WWP2: variants seen among roughly 807,000 people sequenced by gnomAD.
The protein encoded by WWP2 is WW domain containing E3 ubiquitin protein ligase 2.
In WWP2, 57 loss-of-function variants were observed where a neutral mutation model predicts 121.0. That is an observed-to-expected ratio of 0.47 (90% confidence interval 0.38 to 0.59). WWP2 has a LOEUF of 0.59. Among genes scored for constraint, WWP2 ranks in the 20% least tolerant of loss-of-function variants. The pLI, the probability that WWP2 is intolerant of heterozygous loss-of-function variation, is 0.00. For missense variants in WWP2, 962 were observed against 1,158.9 expected (o/e 0.83, Z 2.47); for synonymous variants, 449 against 441.3 (o/e 1.02, Z -0.22).
chr16:69,930,484 A>G (rs1048594235), intron 13 of WWP2, among the ~76,000 whole-genome samples: 1 of 152,170 alleles, frequency 6.6e-6, no homozygotes, highest in Non-Finnish European at 1.5e-5. Context: ...TCTCCACAAC[A>G]ATAAAAAAGA....
At chr16:69,830,276 A>C (rs750535247) in intron 4 of WWP2, among the ~76,000 whole-genome samples, 2 of 152,050 alleles carry the variant, frequency 1.3e-5, no homozygotes, top group Non-Finnish European at 2.9e-5. Context: ...TGTTTTATAG[A>C]GATGAGGGTC....
chr16:69,769,564 G>A (rs1270577642), intron 1 of WWP2, among the ~76,000 whole-genome samples: 1 of 152,124 alleles, frequency 6.6e-6, no homozygotes, highest in East Asian at 1.9e-4. Context: ...TCTTGACTCA[G>A]AGCTGGGTCA....
At chr16:69,856,070 G>A (rs929393382) in intron 6 of WWP2, among the ~76,000 whole-genome samples, 4 of 152,098 alleles carry the variant, frequency 2.6e-5, no homozygotes, top group Non-Finnish European at 4.4e-5. Flanking sequence ...CCAGGAGTTC[G>A]AGTCTAGCCT....
intron 1 of WWP2, among the ~76,000 whole-genome samples, chr16:69,782,164 T>TC (rs2055677887): frequency 6.6e-6 from 1 of 152,072 alleles, no homozygotes; most frequent in African/African-American, 2.4e-5. Context: ...GTGCCTGTAA[T>TC]CCCAGCTACC....
chr16:69,914,443 G>A (rs993523393), intron 9 of WWP2, among the ~76,000 whole-genome samples: 3 of 152,098 alleles, frequency 2.0e-5, no homozygotes, highest in African/African-American at 7.2e-5. Context: ...CTGTAGAGCA[G>A]GACCTTCACA....
At chr16:69,848,054 G>A (rs1358428575) in intron 6 of WWP2, among the ~76,000 whole-genome samples, 2 of 152,140 alleles carry the variant, frequency 1.3e-5, no homozygotes, top group African/African-American at 4.8e-5. Flanking sequence ...CAGGGAAATG[G>A]AACAACAACA....
chr16:69,776,441 C>T (rs1032486704), intron 1 of WWP2, among the ~76,000 whole-genome samples: 24 of 152,280 alleles, frequency 1.6e-4, no homozygotes, highest in Admixed American at 1.3e-3. Flanking sequence ...GTGCAGAGTA[C>T]ATAATAGATG....
At chr16:69,785,654 TCTTG>T (rs916885056) in intron 1 of WWP2, among the ~76,000 whole-genome samples, 3 of 147,726 alleles carry the variant, frequency 2.0e-5, no homozygotes, top group African/African-American at 5.0e-5. Context: ...CGAGACAGAG[TCTTG>T]CTCTGTCACC....
intron 4 of WWP2, among the ~76,000 whole-genome samples, chr16:69,826,449 G>T (rs1290627583): frequency 6.6e-6 from 1 of 151,478 alleles, no homozygotes; most frequent in Non-Finnish European, 1.5e-5. Flanking sequence ...GTGGGTGCTT[G>T]TAGTCCCAGC....
At chr16:69,896,145 A>T (rs2058101103) in intron 8 of WWP2, among the ~76,000 whole-genome samples, 1 of 152,082 alleles carries the variant, frequency 6.6e-6, no homozygotes, top group South Asian at 2.1e-4. Flanking sequence ...TTTTGGAGAC[A>T]GGGTCTCATT....
intron 21 of WWP2, among the ~76,000 whole-genome samples, chr16:69,938,716 A>G (rs374386332): frequency 1.3e-5 from 2 of 152,184 alleles, no homozygotes; most frequent in East Asian, 3.9e-4. Flanking sequence ...AAAACCTTAT[A>G]CCCATTAAGC....
At chr16:69,875,501 G>A (rs769515135) in intron 7 of WWP2, among the ~76,000 whole-genome samples, 2 of 152,214 alleles carry the variant, frequency 1.3e-5, no homozygotes, top group Non-Finnish European at 2.9e-5. Context: ...CTGTTTGACA[G>A]CATTTTAGCA....
intron 1 of WWP2, among the ~76,000 whole-genome samples, chr16:69,784,506 T>C (rs1597660426): frequency 6.6e-6 from 1 of 152,180 alleles, no homozygotes; most frequent in Non-Finnish European, 1.5e-5. Flanking sequence ...CTAGCACCAA[T>C]TGGGCTGTTG....
chr16:69,778,535 A>G (rs772486443), intron 1 of WWP2, among the ~76,000 whole-genome samples: 5 of 152,052 alleles, frequency 3.3e-5, no homozygotes, highest in Non-Finnish European at 7.4e-5. Flanking sequence ...TGTAGTGGAT[A>G]GTGGGGATTT....
At chr16:69,846,444 G>T (rs546997999) in intron 6 of WWP2, among the ~76,000 whole-genome samples, 1 of 152,222 alleles carries the variant, frequency 6.6e-6, no homozygotes, top group Non-Finnish European at 1.5e-5. Flanking sequence ...ATGGGGCTGG[G>T]TGTGGTGGCT....
intron 16 of WWP2, chr16:69,933,309 C>G (rs1359661574): frequency 2.8e-6 from 1 of 357,434 alleles, no homozygotes; most frequent in Non-Finnish European, 5.6e-6. Context: ...GCCTGAGGCT[C>G]GCACCCAGGG....
chr16:69,902,575 A>G (rs1429369147), intron 8 of WWP2, among the ~76,000 whole-genome samples: 1 of 152,190 alleles, frequency 6.6e-6, no homozygotes, highest in Non-Finnish European at 1.5e-5. Context: ...AACGGAAGCT[A>G]TCGAGGGGGA....
intron 6 of WWP2, among the ~76,000 whole-genome samples, chr16:69,869,770 T>G (rs1292080190): frequency 1.3e-5 from 2 of 152,180 alleles, no homozygotes; most frequent in Non-Finnish European, 2.9e-5. Flanking sequence ...GTTAAGATTT[T>G]GGTTTATGTT....
chr16:69,823,938 C>A (rs752230894), intron 4 of WWP2, among the ~76,000 whole-genome samples: 10 of 152,256 alleles, frequency 6.6e-5, no homozygotes, highest in Non-Finnish European at 1.5e-4. Context: ...TGCTGTTTCT[C>A]ATCAGCCGTG....
Sources: allele counts gnomAD v4.1 joint callset (sites outside exome capture counted in the v4.1 genomes callset), GRCh38; gene constraint gnomAD v4.1.1; transcripts MANE v1.5; gene names NCBI Gene and HGNC (gene_info 2026-07-23, HGNC 2026-07-21).